The following ATP2B1 variants were observed in gnomAD, a reference collection of about 807,000 sequenced individuals.
The protein encoded by ATP2B1 is plasma membrane calcium-transporting ATPase 1.
A neutral mutation model predicts 124.2 loss-of-function variants in ATP2B1; 14 were observed. The observed-to-expected ratio is 0.11, with a 90% CI of 0.07 to 0.18. The LOEUF is 0.18. Among genes scored for constraint, ATP2B1 ranks in the 10% least tolerant of loss-of-function variants. The pLI is 1.00. For missense variants in ATP2B1, 763 were observed against 1,466.1 expected (o/e 0.52, Z 7.83); for synonymous variants, 449 against 492.4 (o/e 0.91, Z 1.17).
At chr12:89,608,254 C>A (rs1592727935) in intron 15 of ATP2B1, among the ~76,000 whole-genome samples, 1 of 152,074 alleles carries the variant, frequency 6.6e-6, no homozygotes. Flanking sequence ...CTGCAGCCTG[C>A]GCCTCCTGGG....
chr12:89,685,864 C>T (rs1889906334), intron 1 of ATP2B1, among the ~76,000 whole-genome samples: 1 of 151,936 alleles, frequency 6.6e-6, no homozygotes, highest in Non-Finnish European at 1.5e-5. Context: ...AGAAGAGATA[C>T]CAGCAAAAAG....
chr12:89,610,300 G>A, intron 14 of ATP2B1, 121 bp downstream of exon 14: 2 of 915,910 alleles, frequency 2.2e-6, no homozygotes. Flanking sequence ...AATGTATTTA[G>A]ATTTTATTAA....
intron 15 of ATP2B1, among the ~76,000 whole-genome samples, chr12:89,606,201 G>A (rs1876831586): frequency 6.6e-6 from 1 of 152,190 alleles, no homozygotes; most frequent in Non-Finnish European, 1.5e-5. Context: ...GGTATATGCG[G>A]TGAATGTGGT....
At position 89,621,915 on chromosome 12, in the gene ATP2B1, T is replaced by A. The variant is rs1039590104; in HGVS notation, c.1345-124A>T. The A allele has an allele frequency of 1.8e-5, 19 of 1,062,436 alleles. No individual in the cohort carries two copies. The Admixed American group carries it at 2.0e-4, about 11-fold the overall frequency. 65.8% of individuals were successfully genotyped at this position (1,062,436 alleles called of 1,614,324 possible). On this transcript the variant is annotated intron_variant, in intron 9 of 20. Coordinates refer to ENST00000428670, the MANE Select transcript of ATP2B1 (RefSeq NM_001366521.1). ...CCCAGCTTTCTATAAATACAATGTA[T>A]AAAGTACCAATGTAATACTGAAATT...
At chr12:89,634,972 T>G (rs1882462272) in intron 4 of ATP2B1, 25 bp downstream of exon 4, 2 of 1,612,894 alleles carry the variant, frequency 1.2e-6, no homozygotes, top group East Asian at 2.2e-5. Context: ...TAGTGTCAGA[T>G]GTACTGCTCT....
chr12:89,593,250 A>G (rs1478606493), intron 20 of ATP2B1: 1 of 152,040 alleles, frequency 6.6e-6, no homozygotes, highest in African/African-American at 2.4e-5. Context: ...GACTGTCCTA[A>G]TAACAAACTG....
At chr12:89,627,613 G>C in intron 7 of ATP2B1, 65 bp downstream of exon 7, 1 of 1,531,046 alleles carries the variant, frequency 6.5e-7, no homozygotes, top group South Asian at 1.1e-5. Flanking sequence ...AATAAATATG[G>C]TATACAGTAG....
intron 20 of ATP2B1, among the ~76,000 whole-genome samples, chr12:89,595,476 A>G (rs547140554): frequency 3.3e-5 from 5 of 151,940 alleles, no homozygotes; most frequent in Non-Finnish European, 7.4e-5. Flanking sequence ...CTAATAAATG[A>G]AGGGAAAAAG....
rs1340017617 is a variant in ATP2B1, at chr12:89,621,649, T to C, written c.1487A>G (p.His496Arg). ...TVVQAYINEK[H>R]YKKVPEPEAI... ...TTCTGGTTCAGGAACCTTTTTATAATGTTTTTCATTTATGTAAGCTTGAAC... is the reference window on the plus strand; with the variant it reads ...TTCTGGTTCAGGAACCTTTTTATAACGTTTTTCATTTATGTAAGCTTGAAC... The change falls in exon 10 of 21, where the codon CAT (histidine) becomes CGT (arginine). Residue 496 changes from histidine (H) to arginine (R), a missense_variant. By Grantham distance (29) the His-to-Arg change is conservative. Transcript: ENST00000428670. 1 of 1,612,240 alleles carries C rather than the reference T, an allele frequency of 6.2e-7. No homozygotes were observed. Among genetic ancestry groups the C allele is most frequent in the South Asian group, 1.1e-5 (1 of 90,832 alleles).
intron 1 of ATP2B1, among the ~76,000 whole-genome samples, chr12:89,661,369 A>T (rs371511631): frequency 1.3e-3 from 202 of 152,350 alleles, no homozygotes; most frequent in Non-Finnish European, 2.2e-3. Flanking sequence ...AAAGCAAAGA[A>T]TTCTAGAATT....
At chr12:89,702,319 T>C (rs1054859254) in intron 1 of ATP2B1, among the ~76,000 whole-genome samples, 6 of 152,190 alleles carry the variant, frequency 3.9e-5, no homozygotes, top group Non-Finnish European at 8.8e-5. Flanking sequence ...TCAAGTTGTA[T>C]TTTGATAAAG....
intron 1 of ATP2B1, 114 bp downstream of exon 1, chr12:89,708,482 C>G (rs1208295096): frequency 6.6e-6 from 1 of 152,180 alleles, no homozygotes; most frequent in South Asian, 2.1e-4. Flanking sequence ...CCGCTGCGCA[C>G]CCAGCTATCA....
intron 5 of ATP2B1, among the ~76,000 whole-genome samples, chr12:89,631,773 T>C (rs565142271): frequency 6.6e-6 from 1 of 152,214 alleles, no homozygotes; most frequent in Non-Finnish European, 1.5e-5. Context: ...TGGCAGGCAT[T>C]ACTATTCTCA....
intron 20 of ATP2B1, chr12:89,598,803 A>C: frequency 6.3e-7 from 1 of 1,586,998 alleles, no homozygotes; most frequent in Non-Finnish European, 8.6e-7. Flanking sequence ...AACAAGAGAA[A>C]GGACCATTCC....
chr12:89,684,910 A>C lies in ATP2B1; in HGVS notation c.-222+23686T>G, dbSNP rs553267349. On this transcript the variant is annotated intron_variant, in intron 1 of 20. Transcript: ENST00000428670. ...CAGTTGTATTTCTACAGAAAAATTC[A>C]TTTCAATTTCTAAACCAATGAAAGA... Among the ~76,000 whole-genome samples, 20 of 152,280 alleles carry C rather than the reference A, an allele frequency of 1.3e-4. No individual in the cohort carries two copies. The South Asian group carries it at 2.7e-3, about 20-fold the overall frequency.
intron 13 of ATP2B1, 66 bp from the exon 14 acceptor site, chr12:89,610,574 G>A: frequency 1.5e-6 from 2 of 1,298,196 alleles, no homozygotes; most frequent in Non-Finnish European, 2.2e-6. Flanking sequence ...TGAGCTATCT[G>A]GCATATTTAT....
chr12:89,595,757 A>C (rs1373401297), intron 20 of ATP2B1, among the ~76,000 whole-genome samples: 1 of 152,146 alleles, frequency 6.6e-6, no homozygotes, highest in Non-Finnish European at 1.5e-5. Context: ...GGTAACAGCA[A>C]CATAATTACT....
intron 1 of ATP2B1, among the ~76,000 whole-genome samples, chr12:89,674,875 A>G (rs1283884026): frequency 6.6e-6 from 1 of 152,224 alleles, no homozygotes; most frequent in Non-Finnish European, 1.5e-5. Context: ...CATAGAATTA[A>G]AAACAAAAAA....
intron 2 of ATP2B1, 50 bp downstream of exon 2, chr12:89,655,629 A>G: frequency 1.3e-6 from 2 of 1,535,684 alleles, no homozygotes; most frequent in Admixed American, 1.7e-5. Context: ...TAAGCCAAAT[A>G]TATAGAACTC....
Sources: gnomAD v4.1 joint callset for allele counts (sites outside exome capture counted in the v4.1 genomes callset) on GRCh38, gnomAD v4.1.1 for gene constraint, MANE v1.5 for transcripts, NCBI Gene and HGNC (gene_info 2026-07-23, HGNC 2026-07-21) for gene names.